TAAR1: variants seen among roughly 807,000 people sequenced by gnomAD.
TAAR1 encodes the protein trace amine associated receptor 1.
In TAAR1, 1 loss-of-function variant was observed where a neutral mutation model predicts 1.2. The observed-to-expected ratio is 0.81, with a 90% CI of 0.29 to 3.86. The LOEUF (loss-of-function observed/expected upper bound fraction) is 3.86, where lower values mean the gene tolerates loss of function less well. Ranked by LOEUF, TAAR1 falls within the 30% of genes most tolerant of loss-of-function variation. The pLI is 0.18. For synonymous variants in TAAR1, 153 were observed against 132.2 expected (o/e 1.16, Z -1.08); for missense variants, 445 against 405.6 (o/e 1.10, Z -0.83).
At position 132,645,941 on chromosome 6, in the gene TAAR1, A is replaced by G; in HGVS notation, c.63T>C (p.Asp21=). The G allele has an allele frequency of 6.2e-7, 1 of 1,612,832 alleles. No homozygotes were observed. Among genetic ancestry groups the G allele is most frequent in the South Asian group, 1.1e-5 (1 of 90,798 alleles). ...ISCVKNNWSN[D]VRASLYSLMV... is the part of the protein sequence containing the mutation. Reference sequence around the variant, plus strand: ...TTAAACTGTACAGGGAAGCACGGACATCATTTGACCAGTTGTTTTTCACAC... The same window carrying G: ...TTAAACTGTACAGGGAAGCACGGACGTCATTTGACCAGTTGTTTTTCACAC... The change falls in exon 2 of 2, where the codon GAT becomes GAC. Residue 21 remains aspartate, a synonymous_variant. Transcript: ENST00000275216.
At chr6:132,648,263 C>T (rs1777709621) in intron 1 of TAAR1, among the ~76,000 whole-genome samples, 1 of 152,184 alleles carries the variant, frequency 6.6e-6, no homozygotes. Flanking sequence ...AGGAACCACA[C>T]AACACTCAAA....
In TAAR1 at chr6:132,645,144, T is replaced by A. The variant is rs545074124; in HGVS notation, c.860A>T (p.Asp287Val). Residue 287 changes from aspartate (D) to valine (V), a missense_variant, in exon 2 of 2, where the codon GAT becomes GTT. Coordinates refer to ENST00000275216, the MANE Select transcript of TAAR1 (RefSeq NM_138327.4). Reference sequence around the variant, plus strand: ...CAAGTAGCCAAACCAAATCAATACATCATTCAAAGTAGGTGGAATAATGTA... The same window carrying A: ...CAAGTAGCCAAACCAAATCAATACAACATTCAAAGTAGGTGGAATAATGTA... Reference protein sequence around the residue: ...LHYIIPPTLNDVLIWFGYLNS... With the variant: ...LHYIIPPTLNVVLIWFGYLNS... The A allele has an allele frequency of 6.8e-6, 11 of 1,612,938 alleles. No individual in the cohort carries two copies. In the South Asian group the frequency reaches 1.1e-4, roughly 16 times the overall value.
At chr6:132,658,735 T>C (rs1777837103) in intron 1 of TAAR1, among the ~76,000 whole-genome samples, 1 of 152,212 alleles carries the variant, frequency 6.6e-6, no homozygotes, top group Non-Finnish European at 1.5e-5. Context: ...TACATGATGT[T>C]AAAACTAGCC....
At chr6:132,648,448 C>T (rs537103274) in intron 1 of TAAR1, among the ~76,000 whole-genome samples, 9 of 152,290 alleles carry the variant, frequency 5.9e-5, no homozygotes, top group African/African-American at 9.6e-5. Context: ...AAGATGAAAA[C>T]GCCATCTGGC....
intron 1 of TAAR1, among the ~76,000 whole-genome samples, chr6:132,651,612 TCTC>T (rs1777749596): frequency 6.6e-6 from 1 of 152,082 alleles, no homozygotes; most frequent in Non-Finnish European, 1.5e-5. Context: ...TCAGATCATT[TCTC>T]CTCATTTCTA....
chr6:132,652,379 C>G (rs986401334), intron 1 of TAAR1, among the ~76,000 whole-genome samples: 29 of 149,434 alleles, frequency 1.9e-4, no homozygotes, highest in African/African-American at 7.2e-4. Flanking sequence ...TCTCAGCTCA[C>G]TGCAACCTCC....
chr6:132,652,425 A>T (rs578186721), intron 1 of TAAR1, among the ~76,000 whole-genome samples: 2 of 150,084 alleles, frequency 1.3e-5, no homozygotes, highest in East Asian at 4.0e-4. Flanking sequence ...TCCTGCCTCA[A>T]CCTCCCTGGT....
intron 1 of TAAR1, among the ~76,000 whole-genome samples, 27 bp from the exon 2 acceptor site, chr6:132,646,156 C>A (rs1236774133): frequency 6.6e-6 from 1 of 152,090 alleles, no homozygotes; most frequent in East Asian, 1.9e-4. Context: ...AAGAGTAAAT[C>A]ATTGGCAATT....
intron 1 of TAAR1, among the ~76,000 whole-genome samples, chr6:132,650,411 A>T (rs780083762): frequency 1.3e-5 from 2 of 152,184 alleles, no homozygotes; most frequent in African/African-American, 4.8e-5. Flanking sequence ...GGCACACTGA[A>T]TGTGGCATAG....
chr6:132,645,538 A>G lies in TAAR1; in HGVS notation c.466T>C (p.Phe156Leu). 1.2e-6 allele frequency: 2 copies of G among 1,613,724 alleles called. No individual in the cohort carries two copies. The highest frequency in any genetic ancestry group is 1.7e-6 in the Non-Finnish European group (2 of 1,179,816). The change falls in exon 2 of 2, where the codon TTT becomes CTT. Residue 156 changes from phenylalanine to leucine, a missense_variant. By Grantham distance (22) the Phe-to-Leu change is conservative (BLOSUM62 0). Coordinates refer to ENST00000275216, the MANE Select transcript of TAAR1 (RefSeq NM_138327.4). Reference protein sequence around the residue: ...ISWSVPAVFAFGMIFLELNFK... With the variant: ...ISWSVPAVFALGMIFLELNFK... Reference sequence around the variant, plus strand: ...TTTAGCTCCAGAAAGATCATTCCAAATGCAAAAACAGCAGGGACACTCCAA... The same window carrying G: ...TTTAGCTCCAGAAAGATCATTCCAAGTGCAAAAACAGCAGGGACACTCCAA...
chr6:132,656,608 T>G (rs536838335), intron 1 of TAAR1, among the ~76,000 whole-genome samples: 97 of 152,300 alleles, frequency 6.4e-4, no homozygotes, highest in Middle Eastern at 3.4e-3. Context: ...TTCATTTCTG[T>G]GCCTCATAGA....
chr6:132,648,285 G>T (rs1412380108), intron 1 of TAAR1, among the ~76,000 whole-genome samples: 23 of 152,144 alleles, frequency 1.5e-4, no homozygotes, highest in Admixed American at 1.4e-3. Context: ...TCACTGTTCA[G>T]AAGTGTTTAT....
rs1370050771 is a variant in TAAR1, at chr6:132,647,637, AAAGAAAGAAAGAAAG to A, written c.-126-1523_-126-1509del. Among the ~76,000 whole-genome samples the A allele has an allele frequency of 1.8e-3, 230 of 124,854 alleles. 2 individuals carry two copies. Among genetic ancestry groups the A allele is most frequent in the African/African-American group, 8.5e-3 (215 of 25,392 alleles). The allele number at this position is 124,854 out of a possible 152,430, so 81.9% of individuals were successfully genotyped here. On this transcript the variant is annotated intron_variant, in intron 1 of 1. Transcript: ENST00000275216. ...AGAAAGAAAAAGGAAAGAAAGAAAG[AAAGAAAGAAAGAAAG>A]AAAGAAAGAAAGAAAGAAAGAAAGA...
chr6:132,647,358 G>A (rs920677160), intron 1 of TAAR1, among the ~76,000 whole-genome samples: 47 of 77,220 alleles, frequency 6.1e-4, no homozygotes, highest in African/African-American at 2.4e-3. Context: ...ACACACATAC[G>A]CATGCACACA....
chr6:132,659,154 T>C lies in TAAR1; in HGVS notation c.-151A>G, dbSNP rs1777842357. ...CCTGCTCAGGTAAGAGTGAACACAGTCAGCGGATGAGCAGACAGCAGGAAC... is the reference window on the plus strand; with the variant it reads ...CCTGCTCAGGTAAGAGTGAACACAGCCAGCGGATGAGCAGACAGCAGGAAC... On this transcript the variant is annotated 5_prime_UTR_variant, in exon 1 of 2. Coordinates refer to ENST00000275216, the MANE Select transcript of TAAR1 (RefSeq NM_138327.4). Among the ~76,000 whole-genome samples, 1 of 152,198 alleles carries C rather than the reference T, an allele frequency of 6.6e-6. No individual in the cohort carries two copies. Among genetic ancestry groups the C allele is most frequent in the Non-Finnish European group, 1.5e-5 (1 of 68,026 alleles).
At chr6:132,652,010 T>G (rs533858824) in intron 1 of TAAR1, among the ~76,000 whole-genome samples, 8 of 152,328 alleles carry the variant, frequency 5.3e-5, no homozygotes, top group Admixed American at 1.3e-4. Context: ...GAGGCTGCAT[T>G]CTGCCCATCT....
intron 1 of TAAR1, among the ~76,000 whole-genome samples, chr6:132,649,696 A>G (rs1413461365): frequency 6.6e-6 from 1 of 152,156 alleles, no homozygotes; most frequent in Non-Finnish European, 1.5e-5. Context: ...TTAGAAAACC[A>G]TCAGATCTCA....
chr6:132,658,087 T>C (rs1777826696), intron 1 of TAAR1, among the ~76,000 whole-genome samples: 23 of 152,284 alleles, frequency 1.5e-4, no homozygotes, highest in Admixed American at 1.5e-3. Flanking sequence ...TTTTGTTCTA[T>C]TATAAAATGT....
chr6:132,658,659 T>A (rs1258001297), intron 1 of TAAR1, among the ~76,000 whole-genome samples: 2 of 152,132 alleles, frequency 1.3e-5, no homozygotes, highest in Non-Finnish European at 2.9e-5. Context: ...TGCAGTTTAG[T>A]TGTGTATATA....
Sources: allele counts gnomAD v4.1 joint callset (sites outside exome capture counted in the v4.1 genomes callset), GRCh38; gene constraint gnomAD v4.1.1; transcripts MANE v1.5; gene names NCBI Gene and HGNC (gene_info 2026-07-23, HGNC 2026-07-21).